The following CLVS1 variants were observed in gnomAD, a reference collection of about 807,000 sequenced individuals.
CLVS1 encodes clavesin 1.
Under a neutral mutation model 33.1 loss-of-function variants are expected in CLVS1, and 10 were observed. The ratio of observed to expected loss-of-function variants is 0.30; its 90% CI spans 0.19 to 0.51. The LOEUF is 0.51. Among genes scored for constraint, CLVS1 ranks in the 20% least tolerant of loss-of-function variants. The pLI is 0.97. For missense variants in CLVS1, 343 were observed against 433.4 expected, an observed-to-expected ratio of 0.79 and a Z score of 1.85; for synonymous variants, 163 against 166.1, an observed-to-expected ratio of 0.98 and a Z score of 0.14.
the CLVS1 span, among the ~76,000 whole-genome samples, chr8:61,016,142 G>C: frequency 1.3e-5 from 2 of 151,510 alleles, no homozygotes; most frequent in Non-Finnish European, 3.0e-5. Flanking sequence ...TTACCTTCAG[G>C]CTATGTGTAT....
chr8:60,991,239 A>G, the CLVS1 span, among the ~76,000 whole-genome samples: 68 of 152,338 alleles, frequency 4.5e-4, 1 homozygote, highest in Admixed American at 4.4e-3. Context: ...AACACTGTGC[A>G]TGGTATGCTA....
intron 1 of CLVS1, among the ~76,000 whole-genome samples, chr8:61,093,430 G>A (rs781533269): frequency 1.3e-5 from 2 of 152,098 alleles, no homozygotes; most frequent in African/African-American, 2.4e-5. Flanking sequence ...AAAACTGTGT[G>A]GGTCATTCAG....
chr8:61,055,300 G>A (rs1229587144), upstream of CLVS1, among the ~76,000 whole-genome samples: 2 of 152,194 alleles, frequency 1.3e-5, no homozygotes, highest in African/African-American at 2.4e-5. Context: ...AAAATGTCAC[G>A]TTGCACCCAA....
intron 2 of CLVS1, among the ~76,000 whole-genome samples, chr8:61,167,193 ATTT>A (rs34299403): frequency 9.4e-5 from 12 of 128,252 alleles, no homozygotes; most frequent in African/African-American, 1.1e-4. Context: ...GCTTCCTTTA[ATTT>A]TTTTTTTTTT....
rs551243471 is a variant in CLVS1 at position 61,311,538 on chromosome 8, G to A, written c.455+11256G>A. Among the ~76,000 whole-genome samples, 24 of 152,254 alleles carry A rather than the reference G, an allele frequency of 1.6e-4. 1 individual carries two copies. In the South Asian group the frequency reaches 3.1e-3, roughly 20 times the overall value. ...ATAACACAACAGTGTACATCCCTGC[G>A]TGCCCGGGTGGCTGCCCACCAGGAA... On this transcript the variant is annotated intron_variant, in intron 2 of 5. Transcript: ENST00000325897.
At chr8:61,432,702 A>T (rs1816158794) in intron 3 of CLVS1, among the ~76,000 whole-genome samples, 1 of 152,234 alleles carries the variant, frequency 6.6e-6, no homozygotes, top group African/African-American at 2.4e-5. Context: ...TCTGTTATAT[A>T]AATAGATATA....
intron 2 of CLVS1, among the ~76,000 whole-genome samples, chr8:61,186,212 A>G (rs1807341417): frequency 6.6e-6 from 1 of 152,238 alleles, no homozygotes; most frequent in Non-Finnish European, 1.5e-5. Context: ...ATTGAAGAAG[A>G]AAATCAAGTA....
At chr8:61,254,878 G>A (rs1474244270) in intron 2 of CLVS1, among the ~76,000 whole-genome samples, 2 of 152,162 alleles carry the variant, frequency 1.3e-5, no homozygotes, top group East Asian at 1.9e-4. Context: ...CGGGTGAGGT[G>A]ATGCCTCAGC....
the CLVS1 span, among the ~76,000 whole-genome samples, chr8:60,970,805 T>C: frequency 2.8e-4 from 43 of 152,224 alleles, no homozygotes; most frequent in Admixed American, 5.2e-4. Context: ...AATTATTTTA[T>C]TGGTGATTTC....
intron 3 of CLVS1, among the ~76,000 whole-genome samples, chr8:61,426,133 C>A (rs2129604916): frequency 6.6e-6 from 1 of 152,316 alleles, no homozygotes. Flanking sequence ...CTATTCTAAT[C>A]CCTTTCAGGG....
intron 3 of CLVS1, among the ~76,000 whole-genome samples, chr8:61,411,875 AC>A (rs1815241090): frequency 6.6e-6 from 1 of 152,114 alleles, no homozygotes; most frequent in South Asian, 2.1e-4. Flanking sequence ...TCCAGCACCC[AC>A]CACAACCCAC....
intron 1 of CLVS1, among the ~76,000 whole-genome samples, chr8:61,289,227 G>C (rs2129593673): frequency 6.6e-6 from 1 of 152,340 alleles, no homozygotes; most frequent in East Asian, 1.9e-4. Flanking sequence ...ATAGTAAAGG[G>C]TAATAGAATG....
chr8:61,122,702 T>G (rs946409012), intron 1 of CLVS1, among the ~76,000 whole-genome samples: 1 of 151,882 alleles, frequency 6.6e-6, no homozygotes, highest in African/African-American at 2.4e-5. Flanking sequence ...GATAAATCAT[T>G]AACACCAGAG....
chr8:61,182,325 A>G lies in CLVS1; in HGVS notation c.-152+50465A>G, dbSNP rs866331143. ...GCAACTGCAACAAAAGGTAAAATTG[A>G]CAAATGGGATATAATTAAACTAAAG... On this transcript the variant is annotated intron_variant, in intron 2 of 2. Coordinates refer to the CLVS1 transcript ENST00000522621. Among the ~76,000 whole-genome samples, 3 of 152,348 alleles carry G rather than the reference A, an allele frequency of 2.0e-5. No homozygotes were observed. In the South Asian group the frequency reaches 6.2e-4, roughly 32 times the overall value.
the CLVS1 span, among the ~76,000 whole-genome samples, chr8:60,994,674 C>T: frequency 6.6e-6 from 1 of 152,086 alleles, no homozygotes; most frequent in African/African-American, 2.4e-5. Context: ...TTTATTTTGG[C>T]TTAGGATTGA....
intron 2 of CLVS1, among the ~76,000 whole-genome samples, chr8:61,319,720 G>C (rs1006202488): frequency 6.6e-6 from 1 of 152,232 alleles, no homozygotes; most frequent in African/African-American, 2.4e-5. Context: ...CCACATTTCT[G>C]TTTGATTGGG....
At chr8:61,045,269 C>G in the CLVS1 span, among the ~76,000 whole-genome samples, 97 of 152,346 alleles carry the variant, frequency 6.4e-4, 1 homozygote, top group East Asian at 0.015. Flanking sequence ...GATTCACTCA[C>G]TGAGACTGAG....
At chr8:61,020,990 C>G in the CLVS1 span, among the ~76,000 whole-genome samples, 3 of 152,236 alleles carry the variant, frequency 2.0e-5, no homozygotes, top group Non-Finnish European at 4.4e-5. Context: ...TGATGGAGGG[C>G]TCTCTATAAA....
chr8:61,160,349 AT>A (rs2129296499), intron 2 of CLVS1, among the ~76,000 whole-genome samples: 1 of 152,300 alleles, frequency 6.6e-6, no homozygotes, highest in African/African-American at 2.4e-5. Flanking sequence ...ACCCATTATG[AT>A]TCCTTACTAT....
Sources: allele counts gnomAD v4.1 joint callset (sites outside exome capture counted in the v4.1 genomes callset), GRCh38; gene constraint gnomAD v4.1.1; transcripts MANE v1.5; gene names NCBI Gene and HGNC (gene_info 2026-07-23, HGNC 2026-07-21).